The following R3HDM4 variants were observed in gnomAD, a reference collection of about 807,000 sequenced individuals.
The protein encoded by R3HDM4 is R3H domain containing 4.
In R3HDM4, 30 loss-of-function variants were observed where a neutral mutation model predicts 31.3. The observed-to-expected ratio is 0.96, with a 90% confidence interval of 0.72 to 1.30. The LOEUF (loss-of-function observed/expected upper bound fraction) is 1.30, where lower values mean the gene tolerates loss of function less well. Among genes scored for constraint, R3HDM4 ranks in the 50% most tolerant of loss-of-function variants. R3HDM4 has a pLI of 0.00. For missense variants in R3HDM4, 444 were observed against 366.1 expected, an observed-to-expected ratio of 1.21 and a Z score of -1.74; for synonymous variants, 196 against 156.6, an observed-to-expected ratio of 1.25 and a Z score of -1.88.
At chr19:908,696 G>A (rs920998171) in intron 1 of R3HDM4, among the ~76,000 whole-genome samples, 6 of 152,054 alleles carry the variant, frequency 3.9e-5, no homozygotes, top group Non-Finnish European at 7.4e-5. Flanking sequence ...AGGGAGCCCC[G>A]GTCTCTGCCT....
intron 3 of R3HDM4, 85 bp downstream of exon 3, chr19:901,337 G>A (rs1599358088): frequency 1.6e-5 from 23 of 1,439,812 alleles, no homozygotes; most frequent in South Asian, 1.0e-4. Context: ...TGCTTCTGGC[G>A]GGGGACGGGC....
In R3HDM4 at chr19:899,778, G is replaced by A; in HGVS notation, c.562-92C>T. On this transcript the variant is annotated intron_variant, in intron 5 of 7. Coordinates refer to ENST00000361574, the MANE Select transcript of R3HDM4 (RefSeq NM_138774.4). The surrounding 1 kb of genome is among the most constrained non-coding windows in gnomAD (Gnocchi z 6.8). Reference sequence around the variant, plus strand: ...GGCCCCCAGGAGCCCACAGCGCTGGGCTCAAACATGACCTCTGACCCACCA... The same window carrying A: ...GGCCCCCAGGAGCCCACAGCGCTGGACTCAAACATGACCTCTGACCCACCA... 4 of 1,055,228 alleles carry A rather than the reference G, an allele frequency of 3.8e-6. No homozygotes were observed. Among genetic ancestry groups the A allele is most frequent in the South Asian group, 3.3e-5 (2 of 60,836 alleles). 65.4% of individuals were successfully genotyped at this position (1,055,228 alleles called of 1,614,324 possible). A position where few individuals can be genotyped will look rare whatever the true frequency, so the allele number is the denominator to read the frequency against.
intron 4 of R3HDM4, among the ~76,000 whole-genome samples, chr19:900,565 G>A (rs1441434049): frequency 7.0e-6 from 1 of 142,740 alleles, no homozygotes; most frequent in African/African-American, 2.7e-5. Flanking sequence ...CCATACCCTG[G>A]CCTCACCCAC....
chr19:898,766 A>C (rs887003391), intron 7 of R3HDM4, among the ~76,000 whole-genome samples: 5 of 151,986 alleles, frequency 3.3e-5, no homozygotes, highest in Admixed American at 1.3e-4. Context: ...ACCAAGCTCC[A>C]AGCCCCGCAC....
At chr19:904,288 C>A (rs538312328) in intron 1 of R3HDM4, among the ~76,000 whole-genome samples, 1 of 152,158 alleles carries the variant, frequency 6.6e-6, no homozygotes, top group South Asian at 2.1e-4. Flanking sequence ...ACAGGCGGCT[C>A]GGGTTTGCTG....
In R3HDM4 at chr19:897,342, G is replaced by A. The variant is rs1479056131; in HGVS notation, c.*95C>T. ...ACCCCAAGCGAAAAAGGTTTCCGAGGACAAATTCTAAAAATATGAAAGATA... is the reference window on the plus strand; with the variant it reads ...ACCCCAAGCGAAAAAGGTTTCCGAGAACAAATTCTAAAAATATGAAAGATA... On this transcript the variant is annotated 3_prime_UTR_variant, in exon 8 of 8. Coordinates refer to ENST00000361574, the MANE Select transcript of R3HDM4 (RefSeq NM_138774.4). 4 of 987,168 alleles carry A rather than the reference G, an allele frequency of 4.1e-6. No individual in the cohort carries two copies. The highest frequency in any genetic ancestry group is 2.8e-5 in the East Asian group (1 of 36,102). 61.2% of individuals were successfully genotyped at this position (987,168 alleles called of 1,614,324 possible). A position where few individuals can be genotyped will look rare whatever the true frequency, so the allele number is the denominator to read the frequency against.
intron 2 of R3HDM4, 172 bp downstream of exon 2, chr19:901,804 G>C: frequency 1.2e-6 from 1 of 863,274 alleles, no homozygotes; most frequent in Non-Finnish European, 1.8e-6. Context: ...AGTCCAGGGG[G>C]CGCCTGTGTC....
rs1318464726 is a variant in R3HDM4 at position 899,684 on chromosome 19, T to C, written c.564A>G (p.Glu188=). ...AVLKRSRIPM[E]TLETWEERLL... ...GCCGCTCCTCCCAGGTCTCCAGCGTTTCCTGGGGAGAGCGGCCCGGTGGTC... is the reference window on the plus strand; with the variant it reads ...GCCGCTCCTCCCAGGTCTCCAGCGTCTCCTGGGGAGAGCGGCCCGGTGGTC... Residue 188 remains glutamate (E), a splice_region_variant and synonymous_variant, in exon 6 of 8, where the codon GAA becomes GAG. Coordinates refer to ENST00000361574, the MANE Select transcript of R3HDM4 (RefSeq NM_138774.4). The surrounding 1 kb of genome is among the most constrained non-coding windows in gnomAD (Gnocchi z 6.8). 1 of 1,584,300 alleles carries C rather than the reference T, an allele frequency of 6.3e-7. No homozygotes were observed. Among genetic ancestry groups the C allele is most frequent in the East Asian group, 2.3e-5 (1 of 44,334 alleles).
At chr19:900,793 T>A in intron 4 of R3HDM4, 36 bp downstream of exon 4, 5 of 685,654 alleles carry the variant, frequency 7.3e-6, no homozygotes, top group Middle Eastern at 6.2e-4. Context: ...ATCCATACCC[T>A]GGCCCCACCC....
chr19:897,606 C>G (rs1029880565), intron 7 of R3HDM4, 66 bp from the exon 8 acceptor site: 4 of 1,225,068 alleles, frequency 3.3e-6, no homozygotes, highest in Non-Finnish European at 4.6e-6. Context: ...AGAGGTGCCT[C>G]GGACCTGCAC....
intron 1 of R3HDM4, among the ~76,000 whole-genome samples, chr19:906,509 C>T (rs927544269): frequency 2.6e-5 from 4 of 152,098 alleles, no homozygotes; most frequent in African/African-American, 4.8e-5. Flanking sequence ...TGAGCCACCG[C>T]GCCCGGCTCA....
chr19:897,810 C>T (rs758776900), intron 7 of R3HDM4, among the ~76,000 whole-genome samples: 5 of 152,246 alleles, frequency 3.3e-5, no homozygotes, highest in African/African-American at 7.2e-5. Flanking sequence ...GACCCTGAAA[C>T]GCACTGGGCC....
intron 1 of R3HDM4, among the ~76,000 whole-genome samples, chr19:909,187 A>G (rs1014096946): frequency 1.3e-5 from 2 of 152,218 alleles, no homozygotes; most frequent in Admixed American, 6.5e-5. Flanking sequence ...GCCACTCCCA[A>G]TTCTACTCCT....
rs749142535 is a variant in R3HDM4, at chr19:897,459, G to A, written c.785C>T (p.Ala262Val). Reference protein sequence around the residue: ...DFLPPGLLLSAYLEQHS With the variant: ...DFLPPGLLLSVYLEQHS ...CCATCAGCTGTGCTGCTCCAGGTAG[G>A]CGGACAGGAGCAGCCCCGGCGGCAG... The change falls in exon 8 of 8, where the codon GCC becomes GTC. Residue 262 changes from alanine (A) to valine (V), a missense_variant. Coordinates refer to ENST00000361574, the MANE Select transcript of R3HDM4 (RefSeq NM_138774.4). 2.5e-6 allele frequency: 4 copies of A among 1,611,170 alleles called. No homozygotes were observed. The highest frequency in any genetic ancestry group is 3.4e-6 in the Non-Finnish European group (4 of 1,179,186).
rs565957460 is a variant in R3HDM4 at position 902,445 on chromosome 19, A to T, written c.72-315T>A. ...AGCAACATAGCAAGACTATGAAAAA[A>T]AAAAAAGACTTATTTTTTTGTCTCT... is the stretch of plus-strand genomic sequence containing the variant. On this transcript the variant is annotated intron_variant, in intron 1 of 7. Coordinates refer to ENST00000361574, the MANE Select transcript of R3HDM4 (RefSeq NM_138774.4). 1.9e-5 allele frequency: 4 copies of T among 215,752 alleles called. No individual in the cohort carries two copies. The South Asian group carries it at 4.4e-4, about 24-fold the overall frequency. The allele number at this position is 215,752 out of a possible 1,614,324, so 13.4% of individuals were successfully genotyped here. A position where few individuals can be genotyped will look rare whatever the true frequency, so the allele number is the denominator to read the frequency against.
Position 899,178 on chromosome 19 carries a change from G to T in R3HDM4, c.703+262C>A, listed in dbSNP as rs761347078. The stretch of plus-strand genomic sequence containing the variant: ...CTTCATCACCCCCACCCCGGGCCCC[G>T]AAGATGCAGATGGAGGAGTGTCTGT... On this transcript the variant is annotated intron_variant, in intron 7 of 7. Coordinates refer to ENST00000361574, the MANE Select transcript of R3HDM4 (RefSeq NM_138774.4). The surrounding 1 kb of genome is among the most constrained non-coding windows in gnomAD (Gnocchi z 6.8). Among the ~76,000 whole-genome samples the T allele has an allele frequency of 3.9e-5, 6 of 152,182 alleles. No individual in the cohort carries two copies. The Middle Eastern group carries it at 0.017, about 431-fold the overall frequency.
In R3HDM4 at chr19:900,848, A is replaced by ACGGCCAGGGCCCCTCCTC; in HGVS notation, c.438_455dup (p.Arg147_Arg152dup). On this transcript the variant is annotated inframe_insertion, in exon 4 of 8. Transcript: ENST00000361574. ...CCGCACCTCTCCTCCGGTCCTCCCC[A>ACGGCCAGGGCCCCTCCTC]CGGCCAGGGCCCCTCCTCCGCGCCT... 7.0e-7 allele frequency: 1 copy of ACGGCCAGGGCCCCTCCTC among 1,427,844 alleles called. No individual in the cohort carries two copies. Among genetic ancestry groups the ACGGCCAGGGCCCCTCCTC allele is most frequent in the Non-Finnish European group, 9.3e-7 (1 of 1,076,516 alleles). The allele number at this position is 1,427,844 out of a possible 1,614,324, so 88.4% of individuals were successfully genotyped here.
chr19:910,535 G>A (rs912652450), intron 1 of R3HDM4, among the ~76,000 whole-genome samples: 4 of 152,168 alleles, frequency 2.6e-5, no homozygotes, highest in African/African-American at 7.2e-5. Flanking sequence ...GGGAGGCCGA[G>A]GAGGCAGGAT....
In R3HDM4 at chr19:901,403, A is replaced by T. The variant is rs1158594101; in HGVS notation, c.351+19T>A. 2.5e-6 allele frequency: 4 copies of T among 1,597,016 alleles called. No homozygotes were observed. The highest frequency in any genetic ancestry group is 3.4e-6 in the Non-Finnish European group (4 of 1,176,774). ...CCGGGGTCCCCGTGTGGAGGGAGTG[A>T]GGGGGTTGGGGGCCACACCTCCACA... On this transcript the variant is annotated intron_variant, in intron 3 of 7. Transcript: ENST00000361574.
Sources: allele counts gnomAD v4.1 joint callset (sites outside exome capture counted in the v4.1 genomes callset), GRCh38; gene constraint gnomAD v4.1.1; non-coding constraint Gnocchi (gnomAD v3.1); transcripts MANE v1.5; gene names NCBI Gene and HGNC (gene_info 2026-07-23, HGNC 2026-07-21).